The following LYPD6B variants were observed in gnomAD, a reference collection of about 807,000 sequenced individuals.
LYPD6B encodes LY6/PLAUR domain containing 6B.
A neutral mutation model predicts 22.8 loss-of-function variants in LYPD6B; 17 were observed. The observed-to-expected ratio is 0.75, with a 90% confidence interval of 0.51 to 1.12. The LOEUF (loss-of-function observed/expected upper bound fraction) is 1.12. Ranked by LOEUF, LYPD6B falls within the 50% of genes most tolerant of loss-of-function variation. LYPD6B has a pLI of 0.00. For synonymous variants in LYPD6B, 106 were observed against 91.6 expected (o/e 1.16, Z -0.90); for missense variants, 221 against 258.3 (o/e 0.86, Z 0.99).
At chr2:149,071,837 T>G (rs1044895171) in intron 1 of LYPD6B, among the ~76,000 whole-genome samples, 4 of 152,164 alleles carry the variant, frequency 2.6e-5, no homozygotes, top group Non-Finnish European at 5.9e-5. Context: ...TTTTAAAGAT[T>G]GGGAGGCAAA....
At chr2:149,086,533 C>G (rs973789076) in intron 1 of LYPD6B, among the ~76,000 whole-genome samples, 2 of 152,150 alleles carry the variant, frequency 1.3e-5, no homozygotes, top group South Asian at 4.1e-4. Flanking sequence ...TCCAGGGTGT[C>G]AACTTTGAGC....
intron 1 of LYPD6B, among the ~76,000 whole-genome samples, chr2:149,095,681 A>G (rs576523975): frequency 6.6e-6 from 1 of 152,224 alleles, no homozygotes; most frequent in South Asian, 2.1e-4. Context: ...CAAGTAAGTG[A>G]AAGGGAGAGG....
rs116528751 is a variant in LYPD6B at position 149,137,128 on chromosome 2, G to C, written c.5+6175G>C. 2.8e-3 allele frequency among the ~76,000 whole-genome samples: 424 copies of C among 152,304 alleles called. 3 individuals carry two copies. The highest frequency in any genetic ancestry group is 0.01 in the African/African-American group (417 of 41,580). ...GCATCTGCTATTTTCTAGGCATTGT[G>C]TAAAGGACTTTAGGTATTGTTTTTC... On this transcript the variant is annotated intron_variant, in intron 2 of 6. Coordinates refer to ENST00000409642, the MANE Select transcript of LYPD6B (RefSeq NM_177964.5).
At chr2:149,117,180 A>T (rs890830249) in intron 1 of LYPD6B, among the ~76,000 whole-genome samples, 1 of 151,686 alleles carries the variant, frequency 6.6e-6, no homozygotes, top group South Asian at 2.1e-4. Context: ...TTAGATTTTT[A>T]CTTTATAGTT....
At chr2:149,053,617 G>A (rs1683662511) in intron 1 of LYPD6B, among the ~76,000 whole-genome samples, 1 of 152,112 alleles carries the variant, frequency 6.6e-6, no homozygotes, top group Non-Finnish European at 1.5e-5. Context: ...CCTCTTTAAA[G>A]TATACGATTC....
rs56739458 is a variant in LYPD6B at position 149,103,771 on chromosome 2, C to CTTTTTTT, written c.-66-27095_-66-27089dup. 1.8e-3 allele frequency among the ~76,000 whole-genome samples: 137 copies of CTTTTTTT among 74,292 alleles called. 4 individuals are homozygous for CTTTTTTT. Among genetic ancestry groups the CTTTTTTT allele is most frequent in the African/African-American group, 2.4e-3 (43 of 18,064 alleles). The allele number at this position is 74,292 out of a possible 152,430, so 48.7% of individuals were successfully genotyped here. A position where few individuals can be genotyped will look rare whatever the true frequency, so the allele number is the denominator to read the frequency against. On this transcript the variant is annotated intron_variant, in intron 1 of 6. Coordinates refer to ENST00000409642, the MANE Select transcript of LYPD6B (RefSeq NM_177964.5). ...TGATGTTCATACACGTTGTGCATATCTTTTTTTTTTTTTTTTTTTTTTTGA... is the reference window on the plus strand; with the variant it reads ...TGATGTTCATACACGTTGTGCATATCTTTTTTTTTTTTTTTTTTTTTTTTTTTTTTGA...
At chr2:149,112,325 AT>A (rs372804539) in intron 1 of LYPD6B, among the ~76,000 whole-genome samples, 1 of 152,010 alleles carries the variant, frequency 6.6e-6, no homozygotes, top group East Asian at 1.9e-4. Flanking sequence ...ATGCTGTTTG[AT>A]TTTTTTTCCC....
At chr2:149,087,355 A>AT (rs1187764059) in intron 1 of LYPD6B, among the ~76,000 whole-genome samples, 2 of 152,110 alleles carry the variant, frequency 1.3e-5, no homozygotes, top group Non-Finnish European at 2.9e-5. Flanking sequence ...TTCTTCTGCA[A>AT]TTTTTTAGAT....
rs767503379 is a variant in LYPD6B at position 149,208,325 on chromosome 2, C to G, written c.241C>G (p.Pro81Ala). The G allele has an allele frequency of 1.2e-5, 20 of 1,613,398 alleles. No individual in the cohort carries two copies. Among genetic ancestry groups the G allele is most frequent in the Non-Finnish European group, 1.7e-5 (20 of 1,179,462 alleles). Residue 81 changes from proline to alanine, a missense_variant, in exon 5 of 7, where the codon CCA becomes GCA. By Grantham distance (27) the Pro-to-Ala change is conservative. Transcript: ENST00000409642. ...VRPPLDPTPF[P>A]NSFKCFTCEN... ...TTTTTTCTTTAAAGCTACACCATTT[C>G]CAAATAGCTTCAAGTGCTTTACTTG...
chr2:149,074,830 C>T (rs16826457), intron 1 of LYPD6B, among the ~76,000 whole-genome samples: 1,628 of 151,968 alleles, frequency 0.011, 29 homozygotes, highest in African/African-American at 0.037. Flanking sequence ...TTTTCTGAAT[C>T]GGTAATTGAC....
At chr2:149,066,642 TAACTTCA>T (rs1684349524) in intron 1 of LYPD6B, among the ~76,000 whole-genome samples, 1 of 152,014 alleles carries the variant, frequency 6.6e-6, no homozygotes, top group Admixed American at 6.6e-5. Flanking sequence ...AAACATTTAT[TAACTTCA>T]AATTTAATAA....
intron 3 of LYPD6B, among the ~76,000 whole-genome samples, chr2:149,193,079 G>A (rs1209010213): frequency 6.6e-6 from 1 of 152,042 alleles, no homozygotes; most frequent in East Asian, 1.9e-4. Context: ...GCTGGGCATC[G>A]GGTACAGTGG....
chr2:149,128,899 G>A (rs1366750724), intron 1 of LYPD6B, among the ~76,000 whole-genome samples: 1 of 152,110 alleles, frequency 6.6e-6, no homozygotes, highest in African/African-American at 2.4e-5. Context: ...TGATCCCCTT[G>A]GTTGTAACCA....
chr2:149,178,219 C>T (rs1691457426), intron 3 of LYPD6B, among the ~76,000 whole-genome samples: 1 of 152,204 alleles, frequency 6.6e-6, no homozygotes, highest in Non-Finnish European at 1.5e-5. Flanking sequence ...AATTAGGCTT[C>T]CAGCACAGCC....
At chr2:149,107,228 C>T (rs1686522575) in intron 1 of LYPD6B, among the ~76,000 whole-genome samples, 1 of 152,072 alleles carries the variant, frequency 6.6e-6, no homozygotes, top group Non-Finnish European at 1.5e-5. Flanking sequence ...CCACAGTAAT[C>T]AATCAGATAA....
At chr2:149,130,842 A>G in intron 1 of LYPD6B, 41 bp from the exon 2 acceptor site, 2 of 845,214 alleles carry the variant, frequency 2.4e-6, no homozygotes, top group South Asian at 1.4e-5. Context: ...AATGTCTATA[A>G]TATCAGTCAT....
At chr2:149,089,266 C>G (rs1355554862) in intron 1 of LYPD6B, among the ~76,000 whole-genome samples, 1 of 152,078 alleles carries the variant, frequency 6.6e-6, no homozygotes, top group Non-Finnish European at 1.5e-5. Context: ...TATGGTGAGT[C>G]AAAGTTGGGG....
At chr2:149,136,119 A>G (rs1233146895) in intron 2 of LYPD6B, among the ~76,000 whole-genome samples, 2 of 152,236 alleles carry the variant, frequency 1.3e-5, no homozygotes, top group African/African-American at 4.8e-5. Flanking sequence ...ACCTAGAAGA[A>G]TGAATTAGTT....
intron 3 of LYPD6B, among the ~76,000 whole-genome samples, chr2:149,192,216 A>C (rs1483116500): frequency 6.6e-6 from 1 of 152,126 alleles, no homozygotes; most frequent in Non-Finnish European, 1.5e-5. Context: ...GCTTCCCAGG[A>C]AGACAGATGA....
Sources: allele counts gnomAD v4.1 joint callset (sites outside exome capture counted in the v4.1 genomes callset), GRCh38; gene constraint gnomAD v4.1.1; transcripts MANE v1.5; gene names NCBI Gene and HGNC (gene_info 2026-07-23, HGNC 2026-07-21).